Variants in AOAH observed in about 807,000 individuals in gnomAD.
AOAH encodes the protein acyloxyacyl hydrolase.
A neutral mutation model predicts 92.2 loss-of-function variants in AOAH; 64 were observed. That is an observed-to-expected ratio of 0.69 (90% CI 0.57 to 0.86). The LOEUF is 0.86. Ranked by LOEUF, AOAH falls within the 40% of genes least tolerant of loss-of-function variation. The pLI is 0.00. For missense variants in AOAH, 656 were observed against 694.6 expected (o/e 0.94, Z 0.62); for synonymous variants, 263 against 254.5 (o/e 1.03, Z -0.32).
intron 5 of AOAH, among the ~76,000 whole-genome samples, chr7:36,636,869 C>T (rs1793560825): frequency 6.6e-6 from 1 of 152,168 alleles, no homozygotes; most frequent in African/African-American, 2.4e-5. Context: ...GAGGGATTTT[C>T]CTCCCTTTTA....
At chr7:36,637,160 CGA>C (rs1334646667) in intron 5 of AOAH, among the ~76,000 whole-genome samples, 4 of 152,084 alleles carry the variant, frequency 2.6e-5, no homozygotes, top group Non-Finnish European at 5.9e-5. Flanking sequence ...ATCTGTTGAA[CGA>C]GAGTGTTATT....
Position 36,620,788 on chromosome 7 carries a change from C to T in AOAH, c.695G>A (p.Gly232Asp). 2 of 1,613,552 alleles carry T rather than the reference C, an allele frequency of 1.2e-6. No individual in the cohort carries two copies. Among genetic ancestry groups the T allele is most frequent in the Non-Finnish European group, 1.7e-6 (2 of 1,179,716 alleles). ...CTGAATTTAGTTGCTTACCCAAATG[C>T]CATTACAGTTTGAATCCTGATGGAC... The part of the protein sequence containing the change: ...WDVHQDSNCN[G>D]IWGVDPKDGV... The change falls in exon 9 of 21, where the codon GGC becomes GAC. Residue 232 changes from glycine to aspartate, a missense_variant. Gly to Asp is a moderately conservative substitution (Grantham distance 94). Transcript: ENST00000617537.
rs139927639 is a variant in AOAH at position 36,705,104 on chromosome 7, C to G, written c.128-18310G>C. On this transcript the variant is annotated intron_variant, in intron 1 of 20. Coordinates refer to ENST00000617537, the MANE Select transcript of AOAH (RefSeq NM_001637.4). ...GGCACAAGACAAGGATGTGCTCTCT[C>G]ACCACTCCTATTCAACATAGTATTG... 9.7e-4 allele frequency among the ~76,000 whole-genome samples: 147 copies of G among 152,298 alleles called. 2 individuals carry two copies. In the East Asian group the frequency reaches 0.026, roughly 27 times the overall value.
At chr7:36,679,804 C>T (rs1200553944) in intron 2 of AOAH, among the ~76,000 whole-genome samples, 2 of 152,080 alleles carry the variant, frequency 1.3e-5, no homozygotes, top group Non-Finnish European at 2.9e-5. Context: ...ACTACAGGCA[C>T]ATGTTACCAC....
intron 4 of AOAH, among the ~76,000 whole-genome samples, chr7:36,646,123 C>G (rs1190888375): frequency 6.6e-6 from 1 of 152,180 alleles, no homozygotes; most frequent in African/African-American, 2.4e-5. Flanking sequence ...AAGTTCACAC[C>G]ATAGAGGTTC....
chr7:36,625,264 T>C (rs551121134), intron 6 of AOAH, among the ~76,000 whole-genome samples: 13 of 152,314 alleles, frequency 8.5e-5, no homozygotes, highest in African/African-American at 2.9e-4. Context: ...TCTTGCCAGA[T>C]ACTGAGTTGA....
At chr7:36,556,243 C>A (rs372243834) in intron 13 of AOAH, among the ~76,000 whole-genome samples, 3 of 151,980 alleles carry the variant, frequency 2.0e-5, no homozygotes, top group Non-Finnish European at 4.4e-5. Context: ...CGTTATGTAC[C>A]CAGTAGTCAT....
Position 36,640,967 on chromosome 7 carries a change from G to A in AOAH, c.391-3057C>T, listed in dbSNP as rs375077779. 2.6e-5 allele frequency among the ~76,000 whole-genome samples: 4 copies of A among 152,198 alleles called. No homozygotes were observed. The South Asian group carries it at 6.2e-4, about 24-fold the overall frequency. On this transcript the variant is annotated intron_variant, in intron 4 of 20. Transcript: ENST00000617537. ...CTCGGAATAGCTGTGCACAGGAGCC[G>A]AGGGGGCACAGGTGCAAAGGACAAT...
intron 11 of AOAH, among the ~76,000 whole-genome samples, chr7:36,604,498 C>A (rs1322617535): frequency 6.6e-6 from 1 of 152,178 alleles, no homozygotes; most frequent in Non-Finnish European, 1.5e-5. Flanking sequence ...AGGGACTGCA[C>A]TTCTTAGTCT....
intron 1 of AOAH, among the ~76,000 whole-genome samples, chr7:36,690,392 C>T (rs4078285): frequency 0.22 from 33,411 of 152,110 alleles, 4,424 homozygotes; most frequent in African/African-American, 0.37. Context: ...ATTCAGCCAT[C>T]TCCGCCTGTC....
At chr7:36,647,665 CTT>C (rs1351356837) in intron 4 of AOAH, among the ~76,000 whole-genome samples, 4 of 152,110 alleles carry the variant, frequency 2.6e-5, no homozygotes, top group Non-Finnish European at 5.9e-5. Context: ...CCAAATCAGT[CTT>C]AATACAAGTT....
chr7:36,589,521 C>A (rs1370016693), intron 12 of AOAH, among the ~76,000 whole-genome samples: 1 of 152,206 alleles, frequency 6.6e-6, no homozygotes, highest in Non-Finnish European at 1.5e-5. Flanking sequence ...CTCTCTTGAA[C>A]AATTTCCCTC....
chr7:36,654,776 G>A (rs889468271), intron 4 of AOAH, among the ~76,000 whole-genome samples: 1 of 152,162 alleles, frequency 6.6e-6, no homozygotes, highest in African/African-American at 2.4e-5. Context: ...CATTCAATGT[G>A]ACAACACCTA....
chr7:36,662,607 T>C (rs1223163939), intron 3 of AOAH, among the ~76,000 whole-genome samples: 3 of 152,180 alleles, frequency 2.0e-5, no homozygotes, highest in Admixed American at 1.3e-4. Context: ...GAGTGATAAA[T>C]AGGGCTCTGG....
chr7:36,537,022 T>A lies in AOAH; in HGVS notation c.1306+3297A>T, dbSNP rs150478646. Among the ~76,000 whole-genome samples the A allele has an allele frequency of 7.8e-3, 1,174 of 150,060 alleles. 14 individuals are homozygous for A. The highest frequency in any genetic ancestry group is 0.027 in the African/African-American group (1,110 of 40,970). ...AGCCCCCTCTTGAAGTCTGTCATCT[T>A]GTGTGAGTGATGAGTCCTGTCAAAG... On this transcript the variant is annotated intron_variant, in intron 16 of 20. Transcript: ENST00000617537.
intron 13 of AOAH, among the ~76,000 whole-genome samples, chr7:36,568,160 G>A (rs1787846594): frequency 6.6e-6 from 1 of 152,150 alleles, no homozygotes; most frequent in African/African-American, 2.4e-5. Flanking sequence ...GGAAGGTAAG[G>A]AGGAAAAATA....
chr7:36,656,027 G>C (rs1419460982), intron 4 of AOAH, among the ~76,000 whole-genome samples: 1 of 152,178 alleles, frequency 6.6e-6, no homozygotes, highest in Non-Finnish European at 1.5e-5. Flanking sequence ...AGGACAGAGT[G>C]AGAAATTGCT....
intron 3 of AOAH, among the ~76,000 whole-genome samples, chr7:36,673,710 T>C (rs1451695132): frequency 6.6e-6 from 1 of 152,078 alleles, no homozygotes; most frequent in African/African-American, 2.4e-5. Flanking sequence ...GGAGAAAGGT[T>C]CAATCACCCA....
intron 16 of AOAH, among the ~76,000 whole-genome samples, chr7:36,535,048 A>G (rs62447185): frequency 0.15 from 5,142 of 35,282 alleles, 96 homozygotes; most frequent in Non-Finnish European, 0.19. Flanking sequence ...GTGTGTGTGT[A>G]TGTGTCTGTG....
Sources: allele counts gnomAD v4.1 joint callset (sites outside exome capture counted in the v4.1 genomes callset), GRCh38; gene constraint gnomAD v4.1.1; transcripts MANE v1.5; gene names NCBI Gene and HGNC (gene_info 2026-07-23, HGNC 2026-07-21).